Variants in AGBL4 observed in about 807,000 individuals in gnomAD.
AGBL4 encodes cytosolic carboxypeptidase 6.
A neutral mutation model predicts 66.4 loss-of-function variants in AGBL4; 58 were observed. The observed-to-expected ratio is 0.87, with a 90% CI of 0.71 to 1.09. AGBL4 has a LOEUF of 1.09. Among genes scored for constraint, AGBL4 ranks in the 50% least tolerant of loss-of-function variants. The pLI is 0.00. For synonymous variants in AGBL4, 234 were observed against 222.9 expected, an observed-to-expected ratio of 1.05 and a Z score of -0.44; for missense variants, 579 against 631.0, an observed-to-expected ratio of 0.92 and a Z score of 0.88.
Position 48,750,940 on chromosome 1 carries a change from T to C in AGBL4, c.635-87699A>G, listed in dbSNP as rs189877189. 1.9e-3 allele frequency among the ~76,000 whole-genome samples: 295 copies of C among 152,258 alleles called. 1 individual carries two copies. The highest frequency in any genetic ancestry group is 6.4e-3 in the African/African-American group (265 of 41,546). The stretch of plus-strand genomic sequence containing the variant: ...CCCCCTGGAGCAGCAAGGGAGGGTA[T>C]GGCCAGCCTCTGGGACCTGCTGAAT... On this transcript the variant is annotated intron_variant, in intron 6 of 13. Coordinates refer to ENST00000371839, the MANE Select transcript of AGBL4 (RefSeq NM_032785.4).
chr1:49,924,281 G>A (rs1270942026), intron 1 of AGBL4, among the ~76,000 whole-genome samples: 2 of 152,154 alleles, frequency 1.3e-5, no homozygotes, highest in African/African-American at 4.8e-5. Flanking sequence ...ACACACTGGG[G>A]CCTTCTGGAG....
chr1:48,579,215 A>G (rs1377019420), intron 11 of AGBL4, among the ~76,000 whole-genome samples: 1 of 151,942 alleles, frequency 6.6e-6, no homozygotes, highest in Non-Finnish European at 1.5e-5. Context: ...ATCATCTATC[A>G]TATTGTTTTT....
intron 1 of AGBL4, among the ~76,000 whole-genome samples, chr1:50,002,359 C>CTTTTTTTTTTTTTTTT (rs372960346): frequency 2.1e-5 from 2 of 96,054 alleles, no homozygotes; most frequent in African/African-American, 9.0e-5. Context: ...TGCCCTAGTT[C>CTTTTTTTTTTTTTTTT]TTTTTTTTTT....
intron 2 of AGBL4, among the ~76,000 whole-genome samples, chr1:49,822,986 T>A (rs1645408568): frequency 6.6e-6 from 1 of 152,202 alleles, no homozygotes; most frequent in African/African-American, 2.4e-5. Flanking sequence ...GCATCTCCTC[T>A]TTTAATTGTT....
chr1:49,424,458 C>T (rs546390631), intron 3 of AGBL4, among the ~76,000 whole-genome samples: 2 of 152,234 alleles, frequency 1.3e-5, no homozygotes, highest in South Asian at 2.1e-4. Context: ...AGTAATTTCA[C>T]TGGGAAAGTA....
chr1:49,689,758 T>C (rs966286755), intron 3 of AGBL4, among the ~76,000 whole-genome samples: 2 of 152,216 alleles, frequency 1.3e-5, no homozygotes, highest in African/African-American at 2.4e-5. Flanking sequence ...CAATATTTTA[T>C]AGTCTTCCAT....
At chr1:50,009,521 C>T (rs1162561107) in intron 1 of AGBL4, among the ~76,000 whole-genome samples, 1 of 149,272 alleles carries the variant, frequency 6.7e-6, no homozygotes, top group Non-Finnish European at 1.5e-5. Context: ...TATATCTCAA[C>T]ACAATAAAAA....
At chr1:49,996,682 C>T (rs957790809) in intron 1 of AGBL4, among the ~76,000 whole-genome samples, 2 of 152,118 alleles carry the variant, frequency 1.3e-5, no homozygotes, top group Non-Finnish European at 2.9e-5. Context: ...TGATAAAAAT[C>T]TAGACATCCA....
chr1:48,887,117 G>A (rs926108885), intron 5 of AGBL4, among the ~76,000 whole-genome samples: 1 of 152,080 alleles, frequency 6.6e-6, no homozygotes, highest in Admixed American at 6.6e-5. Flanking sequence ...AGGGCTTGTG[G>A]GCCCTGGCAG....
At chr1:48,754,165 A>T (rs1342375562) in intron 6 of AGBL4, among the ~76,000 whole-genome samples, 1 of 152,166 alleles carries the variant, frequency 6.6e-6, no homozygotes. Context: ...GTAGCCTTGG[A>T]CTTTGCCTTC....
chr1:48,636,396 C>T (rs978637008), intron 8 of AGBL4, among the ~76,000 whole-genome samples: 7 of 152,178 alleles, frequency 4.6e-5, no homozygotes, highest in African/African-American at 7.2e-5. Context: ...ATTTCATTTT[C>T]GCTTTTATGC....
At chr1:49,912,084 C>A (rs1650894467) in intron 1 of AGBL4, among the ~76,000 whole-genome samples, 1 of 152,208 alleles carries the variant, frequency 6.6e-6, no homozygotes, top group African/African-American at 2.4e-5. Flanking sequence ...AGACCTGCTA[C>A]AACACATGTA....
At chr1:49,307,717 C>G (rs750445334) in intron 3 of AGBL4, among the ~76,000 whole-genome samples, 1 of 152,080 alleles carries the variant, frequency 6.6e-6, no homozygotes, top group Non-Finnish European at 1.5e-5. Flanking sequence ...ATTCTGTTTG[C>G]AGGAGACACA....
chr1:48,785,787 T>C (rs1183874505), intron 6 of AGBL4, among the ~76,000 whole-genome samples: 1 of 152,212 alleles, frequency 6.6e-6, no homozygotes, highest in Non-Finnish European at 1.5e-5. Flanking sequence ...TATCCTGTTG[T>C]TGTTGGCTGG....
chr1:48,824,235 T>A (rs1369784110), intron 6 of AGBL4, among the ~76,000 whole-genome samples: 1 of 152,182 alleles, frequency 6.6e-6, no homozygotes, highest in Non-Finnish European at 1.5e-5. Context: ...AAGATGACAG[T>A]CACAAACCAG....
intron 1 of AGBL4, among the ~76,000 whole-genome samples, chr1:49,989,860 T>A (rs1034804640): frequency 6.6e-6 from 1 of 152,324 alleles, no homozygotes; most frequent in African/African-American, 2.4e-5. Context: ...TTACAGTAGC[T>A]GTACAGTATA....
chr1:49,608,929 C>T (rs1437715311), intron 3 of AGBL4, among the ~76,000 whole-genome samples: 2 of 152,086 alleles, frequency 1.3e-5, no homozygotes, highest in East Asian at 3.9e-4. Flanking sequence ...TCACCCCTCC[C>T]CCACCACAGC....
At chr1:49,048,781 A>T (rs1644142304) in intron 4 of AGBL4, among the ~76,000 whole-genome samples, 1 of 151,784 alleles carries the variant, frequency 6.6e-6, no homozygotes, top group African/African-American at 2.4e-5. Flanking sequence ...TTACATAGAT[A>T]AAAAAATTTG....
rs568492480 is a variant in AGBL4, at chr1:49,597,264, G to C, written c.282+100049C>G. Among the ~76,000 whole-genome samples the C allele has an allele frequency of 1.1e-3, 172 of 152,246 alleles. 1 individual carries two copies. The highest frequency in any genetic ancestry group is 4.0e-3 in the African/African-American group (168 of 41,544). On this transcript the variant is annotated intron_variant, in intron 3 of 13. Transcript: ENST00000371839. ...CATTACAGATATGCTGGACAAAATA[G>C]ACATTATCTGTGTCTTAAATAGCTT...
Sources: allele counts gnomAD v4.1 joint callset (sites outside exome capture counted in the v4.1 genomes callset), GRCh38; gene constraint gnomAD v4.1.1; transcripts MANE v1.5; gene names NCBI Gene and HGNC (gene_info 2026-07-23, HGNC 2026-07-21).